Variants in COBLL1 observed in about 807,000 individuals in gnomAD.
The protein encoded by COBLL1 is cordon-bleu WH2 repeat protein like 1.
In COBLL1, 50 loss-of-function variants were observed where a neutral mutation model predicts 94.8. That is an observed-to-expected ratio of 0.53 (90% CI 0.42 to 0.67). The LOEUF (loss-of-function observed/expected upper bound fraction) is 0.67, where lower values mean the gene tolerates loss of function less well. Ranked by LOEUF, COBLL1 falls within the 30% of genes least tolerant of loss-of-function variation. The pLI is 0.00. For missense variants in COBLL1, 1,362 were observed against 1,348.7 expected, an observed-to-expected ratio of 1.01 and a Z score of -0.15; for synonymous variants, 448 against 473.8, an observed-to-expected ratio of 0.95 and a Z score of 0.71.
At chr2:164,786,406 A>T (rs1688957856) in intron 2 of COBLL1, among the ~76,000 whole-genome samples, 2 of 152,172 alleles carry the variant, frequency 1.3e-5, no homozygotes, top group Admixed American at 6.5e-5. Flanking sequence ...ATGCTGGAGG[A>T]GGTGAGCGTT....
intron 2 of COBLL1, among the ~76,000 whole-genome samples, chr2:164,661,381 A>C (rs1286300058): frequency 6.6e-6 from 1 of 152,146 alleles, no homozygotes; most frequent in African/African-American, 2.4e-5. Flanking sequence ...AACTATAATG[A>C]TTTGGGGTTG....
rs116758347 is a variant in COBLL1, at chr2:164,762,454, C to T, written c.42-18579G>A. On this transcript the variant is annotated intron_variant, in intron 2 of 13. Coordinates refer to ENST00000652658, the MANE Select transcript of COBLL1 (RefSeq NM_001365672.2). ...ACTAACCAGGAGAGGTAGTGGGGAA[C>T]TAGAAAAGAGTGCTGGATTACAAGA... Among the ~76,000 whole-genome samples, 1,445 of 152,272 alleles carry T rather than the reference C, an allele frequency of 9.5e-3. 13 individuals are homozygous for T. The highest frequency in any genetic ancestry group is 0.015 in the Non-Finnish European group (1,016 of 68,016).
intron 3 of COBLL1, among the ~76,000 whole-genome samples, chr2:164,742,338 A>C (rs1438674876): frequency 6.6e-6 from 1 of 152,108 alleles, no homozygotes; most frequent in Admixed American, 6.6e-5. Flanking sequence ...CTAGAAAAAA[A>C]GTTGACTTTT....
In COBLL1 at chr2:164,728,065, A is replaced by G; in HGVS notation, c.565T>C (p.Leu189=). The G allele has an allele frequency of 3.7e-6, 6 of 1,613,820 alleles. No individual in the cohort carries two copies. Among genetic ancestry groups the G allele is most frequent in the Non-Finnish European group, 5.1e-6 (6 of 1,179,724 alleles). ...TCCTGCGATTGATAATCTTTCAACA[A>G]TAGTGTATGCAACGGATCAAACTCA... ...KCEFDPLHTL[L]LKDYQSQEPL... Residue 189 remains leucine (L), a synonymous_variant, in exon 5 of 14, where the codon TTG becomes CTG. Transcript: ENST00000652658.
intron 2 of COBLL1, chr2:164,771,816 A>G (rs1175729292): frequency 6.6e-6 from 1 of 152,038 alleles, no homozygotes; most frequent in Admixed American, 6.6e-5. Context: ...ATGTAACTTC[A>G]AAAATCTACA....
At chr2:164,807,730 T>A (rs1433082863) in intron 2 of COBLL1, among the ~76,000 whole-genome samples, 1 of 152,212 alleles carries the variant, frequency 6.6e-6, no homozygotes, top group African/African-American at 2.4e-5. Flanking sequence ...ATTCTCCTAT[T>A]AGCTTATCCT....
rs1683621369 is a variant in COBLL1 at position 164,841,538 on chromosome 2, G to A, written c.-51+172C>T. 1 of 888,516 alleles carries A rather than the reference G, an allele frequency of 1.1e-6. No homozygotes were observed. The highest frequency in any genetic ancestry group is 1.4e-6 in the Non-Finnish European group (1 of 708,232). 55.0% of individuals were successfully genotyped at this position (888,516 alleles called of 1,614,324 possible). On this transcript the variant is annotated intron_variant, in intron 1 of 13. Coordinates refer to ENST00000652658, the MANE Select transcript of COBLL1 (RefSeq NM_001365672.2). This position sits in a 1 kb window ranked among gnomAD's most constrained non-coding sequence, Gnocchi z 5.5. ...GCCTCTCGGAGGGAGAGGAGCCGCC[G>A]GGGCTGGAAAAGGAGGAGGAGCGGG... is the stretch of plus-strand genomic sequence containing the variant.
chr2:164,671,780 CA>C (rs1346311483), intron 1 of COBLL1, among the ~76,000 whole-genome samples: 2 of 151,300 alleles, frequency 1.3e-5, no homozygotes, highest in African/African-American at 4.9e-5. Flanking sequence ...TGGCTTAGGA[CA>C]GTTCTGACTG....
chr2:164,691,206 G>T (rs1683573594), intron 13 of COBLL1, among the ~76,000 whole-genome samples: 1 of 152,104 alleles, frequency 6.6e-6, no homozygotes, highest in Admixed American at 6.6e-5. Context: ...CAAGGAAGTT[G>T]GCTTATGCAG....
intron 3 of COBLL1, among the ~76,000 whole-genome samples, chr2:164,742,785 GAC>G (rs1226302883): frequency 1.3e-5 from 2 of 151,900 alleles, no homozygotes; most frequent in African/African-American, 4.8e-5. Flanking sequence ...AGTTTTTCTA[GAC>G]AAAACCAGAT....
chr2:164,705,368 G>T, intron 7 of COBLL1: 1 of 298,948 alleles, frequency 3.3e-6, no homozygotes, highest in Non-Finnish European at 6.1e-6. Context: ...TAATGTAGAG[G>T]ACTCATAAGT....
Position 164,683,007 on chromosome 2 carries a change from C to G in COBLL1, c.*2939G>C, listed in dbSNP as rs1273041478. 1 of 129,776 alleles carries G rather than the reference C, an allele frequency of 7.7e-6. No homozygotes were observed. The highest frequency in any genetic ancestry group is 2.3e-4 in the East Asian group (1 of 4,424). 8.0% of individuals were successfully genotyped at this position (129,776 alleles called of 1,614,324 possible). A position where few individuals can be genotyped will look rare whatever the true frequency, so the allele number is the denominator to read the frequency against. ...CCTTTCATGTTAAGAAACACACATA[C>G]ACACACACACACACACACACACACA... On this transcript the variant is annotated 3_prime_UTR_variant, in exon 14 of 14. Transcript: ENST00000652658.
chr2:164,819,411 T>A (rs1197597333), intron 2 of COBLL1, among the ~76,000 whole-genome samples: 1 of 152,164 alleles, frequency 6.6e-6, no homozygotes, highest in African/African-American at 2.4e-5. Flanking sequence ...TGTAAGAGTT[T>A]CTCAAACTTA....
At position 164,680,777 on chromosome 2, in the gene COBLL1, C is replaced by T. The variant is rs527859530; in HGVS notation, c.*5169G>A. ...ACTAAAAAAAAATTTGTTGTTTATC[C>T]GAAGTTCAAATTTAACTGGGCATTC... On this transcript the variant is annotated 3_prime_UTR_variant, in exon 14 of 14. Coordinates refer to ENST00000652658, the MANE Select transcript of COBLL1 (RefSeq NM_001365672.2). 6 of 151,954 alleles carry T rather than the reference C, an allele frequency of 3.9e-5. No homozygotes were observed. Among genetic ancestry groups the T allele is most frequent in the African/African-American group, 7.2e-5 (3 of 41,424 alleles). The allele number at this position is 151,954 out of a possible 1,614,324, so 9.4% of individuals were successfully genotyped here.
At chr2:164,736,324 G>T (rs142044782) in intron 3 of COBLL1, among the ~76,000 whole-genome samples, 209 of 152,230 alleles carry the variant, frequency 1.4e-3, no homozygotes, top group African/African-American at 4.8e-3. Context: ...GTGTGTGCAA[G>T]AAATGAAATG....
At chr2:164,730,353 C>T (rs1685936040) in intron 3 of COBLL1, among the ~76,000 whole-genome samples, 1 of 150,938 alleles carries the variant, frequency 6.6e-6, no homozygotes, top group African/African-American at 2.4e-5. Context: ...AAACAATAGC[C>T]TGCTGTGGTG....
At chr2:164,739,676 TCA>T (rs1203520213) in intron 3 of COBLL1, among the ~76,000 whole-genome samples, 1 of 152,226 alleles carries the variant, frequency 6.6e-6, no homozygotes, top group African/African-American at 2.4e-5. Flanking sequence ...TAAGAAACTC[TCA>T]CACACTTAAA....
chr2:164,816,332 G>A (rs1684744755), intron 2 of COBLL1, among the ~76,000 whole-genome samples: 1 of 152,108 alleles, frequency 6.6e-6, no homozygotes, highest in Non-Finnish European at 1.5e-5. Context: ...TGAAAAGAAT[G>A]TGGGTGAAAG....
chr2:164,788,543 A>G (rs1683003028), intron 2 of COBLL1, among the ~76,000 whole-genome samples: 1 of 152,238 alleles, frequency 6.6e-6, no homozygotes, highest in Non-Finnish European at 1.5e-5. Context: ...AGGAGATACT[A>G]TAGTTTAGGC....
Sources: allele counts gnomAD v4.1 joint callset (sites outside exome capture counted in the v4.1 genomes callset), GRCh38; gene constraint gnomAD v4.1.1; non-coding constraint Gnocchi (gnomAD v3.1); transcripts MANE v1.5; gene names NCBI Gene and HGNC (gene_info 2026-07-23, HGNC 2026-07-21).